NHEJ1: variants seen among roughly 807,000 people sequenced by gnomAD.
NHEJ1 encodes non-homologous end joining factor 1, also known as non-homologous end-joining factor 1.
NHEJ1 carries 22 observed loss-of-function variants against 39.4 expected under a neutral mutation model. The observed-to-expected ratio is 0.56, with a 90% CI of 0.40 to 0.80. The LOEUF (loss-of-function observed/expected upper bound fraction) is 0.80. NHEJ1 is among the 30% of genes least tolerant of loss of function. NHEJ1 has a pLI of 0.00. For synonymous variants in NHEJ1, 154 were observed against 135.6 expected (o/e 1.14, Z -0.94); for missense variants, 329 against 357.1 (o/e 0.92, Z 0.63).
chr2:219,088,460 G>T (rs1443212535), intron 5 of NHEJ1, among the ~76,000 whole-genome samples: 1 of 151,484 alleles, frequency 6.6e-6, no homozygotes, highest in East Asian at 1.9e-4. Flanking sequence ...GCCACTGCAA[G>T]CCAGCCTGGG....
chr2:219,118,241 A>T (rs1404988461), intron 5 of NHEJ1, among the ~76,000 whole-genome samples: 1 of 151,868 alleles, frequency 6.6e-6, no homozygotes, highest in Non-Finnish European at 1.5e-5. Context: ...TTCTCTTCAG[A>T]CTCCTCAAGA....
At chr2:219,148,029 CG>C (rs1949759584) in intron 3 of NHEJ1, among the ~76,000 whole-genome samples, 3 of 152,158 alleles carry the variant, frequency 2.0e-5, no homozygotes, top group African/African-American at 7.2e-5. Flanking sequence ...AAGGCCAGGG[CG>C]GGTGGGTCAC....
intron 5 of NHEJ1, among the ~76,000 whole-genome samples, chr2:219,080,645 A>C (rs1420257343): frequency 8.5e-6 from 1 of 117,326 alleles, no homozygotes; most frequent in Non-Finnish European, 1.7e-5. Context: ...ATAAGCTTAT[A>C]TATATGCTAA....
At chr2:219,149,972 T>A (rs1949780044) in intron 3 of NHEJ1, among the ~76,000 whole-genome samples, 1 of 152,182 alleles carries the variant, frequency 6.6e-6, no homozygotes, top group Non-Finnish European at 1.5e-5. Flanking sequence ...GTCCTAGACC[T>A]GAAAAAGGAG....
chr2:219,158,943 T>C (rs1485187725), intron 1 of NHEJ1: 1 of 169,606 alleles, frequency 5.9e-6, no homozygotes, highest in South Asian at 1.4e-4. Flanking sequence ...TAGAATTATA[T>C]GAAAATGTTA....
Position 219,071,834 on chromosome 2 carries a change from G to A in NHEJ1, c.*4547C>T, listed in dbSNP as rs978127311. On this transcript the variant is annotated 3_prime_UTR_variant, in exon 8 of 8. Transcript: ENST00000356853. Reference sequence around the variant, plus strand: ...CCCATAAGAGTTGGGTGCTGAGTGGGTGGAAGGATAGCAAAATCTGTTGGG... The same window carrying A: ...CCCATAAGAGTTGGGTGCTGAGTGGATGGAAGGATAGCAAAATCTGTTGGG... Among the ~76,000 whole-genome samples, 1 of 152,228 alleles carries A rather than the reference G, an allele frequency of 6.6e-6. No homozygotes were observed. Among genetic ancestry groups the A allele is most frequent in the Admixed American group, 6.5e-5 (1 of 15,290 alleles).
At chr2:219,080,073 T>C (rs573706924) in intron 5 of NHEJ1, among the ~76,000 whole-genome samples, 4 of 152,328 alleles carry the variant, frequency 2.6e-5, no homozygotes, top group African/African-American at 9.6e-5. Flanking sequence ...AACGAAGTGC[T>C]AGAAATGCTG....
At chr2:219,144,617 C>G (rs550657064) in intron 5 of NHEJ1, among the ~76,000 whole-genome samples, 3 of 151,890 alleles carry the variant, frequency 2.0e-5, no homozygotes, top group African/African-American at 7.3e-5. Flanking sequence ...CAAGATGAAA[C>G]AGCATTGGGG....
chr2:219,158,316 A>G lies in NHEJ1; in HGVS notation c.47T>C (p.Leu16Pro). 2 of 1,614,234 alleles carry G rather than the reference A, an allele frequency of 1.2e-6. No homozygotes were observed. The highest frequency in any genetic ancestry group is 2.2e-5 in the South Asian group (2 of 91,090). ...QGLLMQPWAW[L>P]QLAENSLLAK... is the part of the protein sequence containing the mutation. ...CAAGAGGGAGTTCTCTGCAAGCTGTAGCCACGCCCATGGCTGCATCAACAG... is the reference window on the plus strand; with the variant it reads ...CAAGAGGGAGTTCTCTGCAAGCTGTGGCCACGCCCATGGCTGCATCAACAG... Residue 16 changes from leucine (L) to proline (P), a missense_variant, in exon 2 of 8, where the codon CTA (leucine) becomes CCA (proline). Coordinates refer to ENST00000356853, the MANE Select transcript of NHEJ1 (RefSeq NM_024782.3).
Position 219,076,555 on chromosome 2 carries a change from G to A in NHEJ1, c.826-100C>T, listed in dbSNP as rs73991015. On this transcript the variant is annotated intron_variant, in intron 7 of 7. Coordinates refer to ENST00000356853, the MANE Select transcript of NHEJ1 (RefSeq NM_024782.3). ...TCTCATGGCTCCTGGTTAGGATGAGGCCTTTTTTTTTTTTTTTTTTTTTTT... is the reference window on the plus strand; with the variant it reads ...TCTCATGGCTCCTGGTTAGGATGAGACCTTTTTTTTTTTTTTTTTTTTTTT... The A allele has an allele frequency of 4.8e-3, 3,609 of 756,028 alleles. 110 individuals are homozygous for A. In the African/African-American group the frequency reaches 0.058, roughly 12 times the overall value. The allele number at this position is 756,028 out of a possible 1,614,324, so 46.8% of individuals were successfully genotyped here.
intron 5 of NHEJ1, among the ~76,000 whole-genome samples, chr2:219,105,933 G>T (rs903612980): frequency 6.6e-6 from 1 of 152,162 alleles, no homozygotes; most frequent in Non-Finnish European, 1.5e-5. Flanking sequence ...TGAAGGCAAG[G>T]TTTCAGTTTC....
intron 5 of NHEJ1, among the ~76,000 whole-genome samples, chr2:219,112,553 G>A (rs1266928386): frequency 2.0e-5 from 3 of 152,000 alleles, no homozygotes; most frequent in Non-Finnish European, 4.4e-5. Context: ...GTCTCCTAGG[G>A]GCACACACCT....
chr2:219,113,260 T>C lies in NHEJ1; in HGVS notation c.588+33420A>G, dbSNP rs546610227. On this transcript the variant is annotated intron_variant, in intron 5 of 7. Transcript: ENST00000356853. Reference sequence around the variant, plus strand: ...AACCAGGTCAGCAATTCAGGAAGAATTTCCAACGCTGCAGTCTCTGTGGTC... The same window carrying C: ...AACCAGGTCAGCAATTCAGGAAGAACTTCCAACGCTGCAGTCTCTGTGGTC... Among the ~76,000 whole-genome samples, 21 of 152,218 alleles carry C rather than the reference T, an allele frequency of 1.4e-4. No individual in the cohort carries two copies. In the South Asian group the frequency reaches 4.4e-3, roughly 32 times the overall value.
intron 5 of NHEJ1, among the ~76,000 whole-genome samples, chr2:219,134,548 C>G (rs1461522129): frequency 1.3e-5 from 2 of 152,118 alleles, no homozygotes; most frequent in Admixed American, 6.5e-5. Flanking sequence ...CCCCATATCT[C>G]AATCTTTGGG....
intron 1 of NHEJ1, among the ~76,000 whole-genome samples, chr2:219,159,540 TA>T (rs1949896796): frequency 3.0e-5 from 1 of 33,048 alleles, no homozygotes; most frequent in Non-Finnish European, 5.7e-5. Context: ...TATATATGCA[TA>T]TATATATATG....
At chr2:219,131,050 C>G (rs1337882050) in intron 5 of NHEJ1, among the ~76,000 whole-genome samples, 2 of 152,168 alleles carry the variant, frequency 1.3e-5, no homozygotes, top group Non-Finnish European at 2.9e-5. Context: ...AATGATCACA[C>G]CACTGCACTC....
chr2:219,086,892 C>T (rs1279977709), intron 5 of NHEJ1, among the ~76,000 whole-genome samples: 1 of 152,150 alleles, frequency 6.6e-6, no homozygotes, highest in Non-Finnish European at 1.5e-5. Flanking sequence ...ACCCCCTCCC[C>T]TTTGGAGGGC....
Position 219,097,992 on chromosome 2 carries a change from A to G in NHEJ1, c.589-19786T>C, listed in dbSNP as rs146483213. On this transcript the variant is annotated intron_variant, in intron 5 of 7. Coordinates refer to ENST00000356853, the MANE Select transcript of NHEJ1 (RefSeq NM_024782.3). Reference sequence around the variant, plus strand: ...TGATGAAGCAGAAAATAAAGCCAGGAAAGTGTATTGCTCTGGAAACCAAAT... The same window carrying G: ...TGATGAAGCAGAAAATAAAGCCAGGGAAGTGTATTGCTCTGGAAACCAAAT... 1.7e-3 allele frequency among the ~76,000 whole-genome samples: 252 copies of G among 152,314 alleles called. 1 individual carries two copies. Among genetic ancestry groups the G allele is most frequent in the African/African-American group, 5.7e-3 (237 of 41,586 alleles).
intron 5 of NHEJ1, among the ~76,000 whole-genome samples, chr2:219,114,887 C>T (rs1461506366): frequency 7.9e-5 from 12 of 152,076 alleles, no homozygotes; most frequent in Admixed American, 5.2e-4. Context: ...TGAGTGCTGC[C>T]GACTTACCAG....
Sources: gnomAD v4.1 joint callset for allele counts (sites outside exome capture counted in the v4.1 genomes callset) on GRCh38, gnomAD v4.1.1 for gene constraint, MANE v1.5 for transcripts, NCBI Gene and HGNC (gene_info 2026-07-23, HGNC 2026-07-21) for gene names.